LIN28B: variants seen among roughly 807,000 people sequenced by gnomAD.
The protein encoded by LIN28B is lin-28 RNA binding posttranscriptional regulator B, also known as protein lin-28 homolog B.
In LIN28B, 5 loss-of-function variants were observed where a neutral mutation model predicts 21.9. The ratio of observed to expected loss-of-function variants is 0.23; its 90% CI spans 0.12 to 0.48. The LOEUF is 0.48. LIN28B is among the 20% of genes least tolerant of loss of function. LIN28B has a pLI of 0.98. For synonymous variants in LIN28B, 109 were observed against 111.3 expected (o/e 0.98, Z 0.13); for missense variants, 245 against 310.5 (o/e 0.79, Z 1.58).
intron 2 of LIN28B, among the ~76,000 whole-genome samples, chr6:105,021,943 G>C (rs1771149735): frequency 1.3e-5 from 2 of 152,172 alleles, no homozygotes; most frequent in South Asian, 4.1e-4. Flanking sequence ...ACAGAAATGA[G>C]AAAATATTCA....
intron 3 of LIN28B, among the ~76,000 whole-genome samples, chr6:105,053,725 G>A (rs1009875005): frequency 6.6e-6 from 1 of 151,670 alleles, no homozygotes; most frequent in African/African-American, 2.4e-5. Flanking sequence ...GTGTGTGTGT[G>A]TGTGTGTGTG....
intron 3 of LIN28B, among the ~76,000 whole-genome samples, chr6:105,058,402 G>A (rs947263676): frequency 5.3e-5 from 8 of 152,166 alleles, no homozygotes; most frequent in African/African-American, 1.9e-4. Context: ...TGTGGGACAG[G>A]ATCTCCTGTT....
chr6:104,959,657 A>G (rs1015101760), intron 2 of LIN28B, among the ~76,000 whole-genome samples: 5 of 152,240 alleles, frequency 3.3e-5, no homozygotes, highest in African/African-American at 2.4e-5. Flanking sequence ...ACAAGTCCAC[A>G]TACAGACTAC....
intron 3 of LIN28B, among the ~76,000 whole-genome samples, chr6:105,040,094 AATT>A (rs1351745890): frequency 6.6e-6 from 1 of 152,096 alleles, no homozygotes; most frequent in Non-Finnish European, 1.5e-5. Context: ...ATGGCTGCTA[AATT>A]ATTATATCAA....
chr6:105,050,463 G>A (rs1478379010), intron 3 of LIN28B, among the ~76,000 whole-genome samples: 7 of 151,512 alleles, frequency 4.6e-5, no homozygotes, highest in African/African-American at 1.2e-4. Flanking sequence ...TTAGCCGGGC[G>A]CGGTGGCGGG....
At chr6:105,016,483 A>G (rs1375413470) in intron 2 of LIN28B, among the ~76,000 whole-genome samples, 1 of 152,194 alleles carries the variant, frequency 6.6e-6, no homozygotes, top group Non-Finnish European at 1.5e-5. Context: ...AAGCATTATG[A>G]TAGACAAGGG....
At chr6:104,942,013 CTG>C (rs1265930884) in intron 2 of LIN28B, among the ~76,000 whole-genome samples, 1 of 152,182 alleles carries the variant, frequency 6.6e-6, no homozygotes, top group African/African-American at 2.4e-5. Flanking sequence ...TCTTAGGTGC[CTG>C]TGTTTCCTTG....
intron 2 of LIN28B, among the ~76,000 whole-genome samples, chr6:105,019,217 G>A (rs561133077): frequency 6.6e-6 from 1 of 152,220 alleles, no homozygotes; most frequent in African/African-American, 2.4e-5. Flanking sequence ...CAAAATGCTG[G>A]GATTACAGGC....
chr6:104,972,735 T>G (rs906972021), intron 2 of LIN28B, among the ~76,000 whole-genome samples: 1 of 152,226 alleles, frequency 6.6e-6, no homozygotes, highest in African/African-American at 2.4e-5. Context: ...TAGATGCAGA[T>G]ATCTGTTTCA....
At chr6:104,963,204 G>A (rs1769788362) in intron 2 of LIN28B, among the ~76,000 whole-genome samples, 1 of 151,914 alleles carries the variant, frequency 6.6e-6, no homozygotes, top group Non-Finnish European at 1.5e-5. Context: ...CCGCCACCAC[G>A]CCCGGCTAAT....
intron 2 of LIN28B, among the ~76,000 whole-genome samples, chr6:104,943,744 A>T (rs1193431709): frequency 6.6e-6 from 1 of 152,032 alleles, no homozygotes; most frequent in Non-Finnish European, 1.5e-5. Context: ...TTGACTTTTA[A>T]AGGGACTGTA....
chr6:104,972,463 A>G (rs1770000834), intron 2 of LIN28B, among the ~76,000 whole-genome samples: 1 of 152,128 alleles, frequency 6.6e-6, no homozygotes, highest in Non-Finnish European at 1.5e-5. Flanking sequence ...TTCCTTCAGA[A>G]TTTTTCTTTA....
Position 105,078,489 on chromosome 6 carries a change from C to T in LIN28B, c.459C>T (p.Tyr153=). Residue 153 remains tyrosine (Y), a synonymous_variant, in exon 4 of 4, where the codon TAC becomes TAT. Coordinates refer to ENST00000345080, the MANE Select transcript of LIN28B (RefSeq NM_001004317.4). ...SLPPQPKKCH[Y]CQSIMHMVAN... ...CTCCTCAGCCAAAGAAGTGCCATTA[C>T]TGTCAGAGCATCATGCACATGGTGG... is the stretch of plus-strand genomic sequence containing the variant. The T allele has an allele frequency of 6.2e-7, 1 of 1,614,108 alleles. No individual in the cohort carries two copies. Among genetic ancestry groups the T allele is most frequent in the Non-Finnish European group, 8.5e-7 (1 of 1,179,954 alleles).
intron 3 of LIN28B, among the ~76,000 whole-genome samples, chr6:105,038,338 G>A (rs997202882): frequency 1.3e-5 from 2 of 152,168 alleles, no homozygotes; most frequent in African/African-American, 4.8e-5. Context: ...AGGCACATGT[G>A]ACTATGAAAA....
At chr6:104,950,437 C>T (rs1355334853) in intron 2 of LIN28B, 2 of 1,203,582 alleles carry the variant, frequency 1.7e-6, no homozygotes, top group Non-Finnish European at 2.1e-6. Flanking sequence ...TAATGTAGTA[C>T]TGACTTGAGC....
chr6:104,971,291 A>G (rs1392795033), intron 2 of LIN28B, among the ~76,000 whole-genome samples: 1 of 152,056 alleles, frequency 6.6e-6, no homozygotes, highest in Non-Finnish European at 1.5e-5. Flanking sequence ...TTTTTGTTTA[A>G]AATATTTTAT....
At chr6:105,068,762 G>C (rs986725540) in intron 3 of LIN28B, among the ~76,000 whole-genome samples, 15 of 152,066 alleles carry the variant, frequency 9.9e-5, no homozygotes, top group Admixed American at 5.9e-4. Flanking sequence ...CTTTTCTTTA[G>C]GTATGGAAAA....
At chr6:104,962,004 C>G (rs535760662) in intron 2 of LIN28B, among the ~76,000 whole-genome samples, 1 of 152,120 alleles carries the variant, frequency 6.6e-6, no homozygotes, top group African/African-American at 2.4e-5. Context: ...ATAGGTTTTT[C>G]TATAGATTTT....
chr6:105,000,933 C>T (rs1026404289), intron 2 of LIN28B, among the ~76,000 whole-genome samples: 1 of 152,130 alleles, frequency 6.6e-6, no homozygotes, highest in African/African-American at 2.4e-5. Flanking sequence ...ATTCAGACAA[C>T]TAATTCTTTT....
Sources: gnomAD v4.1 joint callset for allele counts (sites outside exome capture counted in the v4.1 genomes callset) on GRCh38, gnomAD v4.1.1 for gene constraint, MANE v1.5 for transcripts, NCBI Gene and HGNC (gene_info 2026-07-23, HGNC 2026-07-21) for gene names.